Variants in ACYP2 observed in about 807,000 individuals in gnomAD.
ACYP2 encodes acylphosphatase 2.
In ACYP2, 12 loss-of-function variants were observed where a neutral mutation model predicts 11.2. The observed-to-expected ratio is 1.08, with a 90% CI of 0.69 to 1.74. ACYP2 has a LOEUF of 1.74. Among genes scored for constraint, ACYP2 ranks in the 40% most tolerant of loss-of-function variants. ACYP2 has a pLI of 0.00. For missense variants in ACYP2, 134 were observed against 101.9 expected (o/e 1.31, Z -1.35); for synonymous variants, 43 against 32.2 (o/e 1.33, Z -1.13).
chr2:54,051,851 C>T, intron 3 of ACYP2: 1 of 304,838 alleles, frequency 3.3e-6, no homozygotes, highest in Non-Finnish European at 6.2e-6. Flanking sequence ...TTGAGACCAG[C>T]CTGGCCAACA....
chr2:54,121,698 CCTGT>C (rs1288429234), intron 4 of ACYP2, among the ~76,000 whole-genome samples: 1 of 152,194 alleles, frequency 6.6e-6, no homozygotes, highest in Non-Finnish European at 1.5e-5. Flanking sequence ...AATTCCCTCT[CCTGT>C]CTTTGTTCTT....
chr2:54,285,539 G>C (rs942002318), intron 6 of ACYP2, among the ~76,000 whole-genome samples: 1 of 152,158 alleles, frequency 6.6e-6, no homozygotes, highest in African/African-American at 2.4e-5. Flanking sequence ...CATGCTTACT[G>C]TGTCCAAAAC....
intron 4 of ACYP2, among the ~76,000 whole-genome samples, chr2:54,132,036 A>C (rs1192228565): frequency 6.6e-6 from 1 of 152,142 alleles, no homozygotes; most frequent in African/African-American, 2.4e-5. Context: ...TCTTTTCATA[A>C]CGCTAATATT....
chr2:54,057,843 G>A (rs760547721), intron 4 of ACYP2, among the ~76,000 whole-genome samples: 1 of 152,184 alleles, frequency 6.6e-6, no homozygotes, highest in African/African-American at 2.4e-5. Flanking sequence ...CCATTTGAGA[G>A]GGGATTGAGT....
rs796449183 is a variant in ACYP2, at chr2:53,986,644, A to T, written c.62+12834A>T. On this transcript the variant is annotated intron_variant, in intron 2 of 6. Transcript: ENST00000607452. ...CAAACCCGGCCTTTTTTTTTTTTTT[A>T]GATGAAGTTTCACTCTGTTGCCCAG... Among the ~76,000 whole-genome samples the T allele has an allele frequency of 1.8e-4, 17 of 94,264 alleles. 1 individual carries two copies. Among genetic ancestry groups the T allele is most frequent in the African/African-American group, 3.8e-4 (9 of 23,578 alleles). 61.8% of individuals were successfully genotyped at this position (94,264 alleles called of 152,430 possible). A position where few individuals can be genotyped will look rare whatever the true frequency, so the allele number is the denominator to read the frequency against.
chr2:54,254,832 A>G (rs1687415259), intron 6 of ACYP2: 2 of 1,332,616 alleles, frequency 1.5e-6, no homozygotes, highest in African/African-American at 2.9e-5. Flanking sequence ...AAAAAAAGTA[A>G]AGGGCATACC....
At chr2:54,110,716 G>C (rs1014142276) in intron 4 of ACYP2, among the ~76,000 whole-genome samples, 4 of 151,924 alleles carry the variant, frequency 2.6e-5, no homozygotes, top group Non-Finnish European at 5.9e-5. Flanking sequence ...AGGGAACTGT[G>C]GCTTTTTTCC....
At chr2:54,063,942 G>T (rs1374010446) in intron 4 of ACYP2, among the ~76,000 whole-genome samples, 1 of 152,162 alleles carries the variant, frequency 6.6e-6, no homozygotes, top group Non-Finnish European at 1.5e-5. Flanking sequence ...GAGAAGGAGG[G>T]GTGAGATGGT....
chr2:54,138,547 A>T (rs1366434509), intron 5 of ACYP2, 92 bp from the exon 3 acceptor site: 3 of 926,148 alleles, frequency 3.2e-6, no homozygotes, highest in Non-Finnish European at 4.9e-6. Context: ...AATGATTATT[A>T]GGTTAGCATT....
intron 4 of ACYP2, among the ~76,000 whole-genome samples, chr2:54,100,608 C>T (rs536700789): frequency 3.2e-4 from 48 of 152,200 alleles, no homozygotes; most frequent in Admixed American, 7.2e-4. Context: ...CACACCCACC[C>T]GAGATCCTCC....
At chr2:54,069,926 G>C (rs1194104251) in intron 4 of ACYP2, among the ~76,000 whole-genome samples, 1 of 152,116 alleles carries the variant, frequency 6.6e-6, no homozygotes, top group Non-Finnish European at 1.5e-5. Context: ...ATTTAACCCA[G>C]AATACTTCTC....
intron 6 of ACYP2, chr2:54,255,864 C>A (rs61738381): frequency 6.2e-7 from 1 of 1,614,036 alleles, no homozygotes; most frequent in Non-Finnish European, 8.5e-7. Flanking sequence ...CTTCTAGGCC[C>A]TCCGCGGGTG....
intron 6 of ACYP2, among the ~76,000 whole-genome samples, chr2:54,225,627 C>T (rs765146789): frequency 1.3e-5 from 2 of 152,016 alleles, no homozygotes; most frequent in South Asian, 2.1e-4. Context: ...TTTTTAACTT[C>T]GTCTTTTGTA....
intron 6 of ACYP2, among the ~76,000 whole-genome samples, chr2:54,268,639 C>CAAAA (rs34122735): frequency 1.2e-5 from 1 of 81,292 alleles, no homozygotes; most frequent in Non-Finnish European, 2.5e-5. Flanking sequence ...CAGTCTCTAC[C>CAAAA]AAAAAAAAAA....
At chr2:54,037,563 A>G (rs748474099) in intron 2 of ACYP2, among the ~76,000 whole-genome samples, 2 of 151,950 alleles carry the variant, frequency 1.3e-5, no homozygotes, top group African/African-American at 2.4e-5. Flanking sequence ...GTGAACCCCT[A>G]TGCCTAGTTA....
chr2:54,259,014 T>G (rs1687669969), intron 6 of ACYP2, among the ~76,000 whole-genome samples: 1 of 152,156 alleles, frequency 6.6e-6, no homozygotes, highest in African/African-American at 2.4e-5. Flanking sequence ...TTATCCAGCC[T>G]TGCAAGAAAA....
intron 4 of ACYP2, among the ~76,000 whole-genome samples, chr2:54,070,220 A>G (rs1418399347): frequency 3.3e-5 from 5 of 151,374 alleles, no homozygotes; most frequent in African/African-American, 1.2e-4. Flanking sequence ...TGGTGAGCCA[A>G]GATTGTGCCA....
chr2:54,179,431 A>T (rs952390000), intron 6 of ACYP2, among the ~76,000 whole-genome samples: 1 of 152,196 alleles, frequency 6.6e-6, no homozygotes, highest in Non-Finnish European at 1.5e-5. Context: ...AATTCAGGGC[A>T]AGTCGGCGGA....
intron 6 of ACYP2, among the ~76,000 whole-genome samples, chr2:54,199,027 A>G (rs13393792): frequency 0.012 from 1,840 of 152,298 alleles, 40 homozygotes; most frequent in African/African-American, 0.042. Context: ...AGGTTAACAC[A>G]GGGAAGTAAC....
Sources: gnomAD v4.1 joint callset for allele counts (sites outside exome capture counted in the v4.1 genomes callset) on GRCh38, gnomAD v4.1.1 for gene constraint, MANE v1.5 for transcripts, NCBI Gene and HGNC (gene_info 2026-07-23, HGNC 2026-07-21) for gene names.